Variants in PDE4B observed in about 807,000 individuals in gnomAD.
The protein encoded by PDE4B is phosphodiesterase 4B.
Under a neutral mutation model 82.2 loss-of-function variants are expected in PDE4B, and 20 were observed. The observed-to-expected ratio is 0.24, with a 90% confidence interval of 0.17 to 0.35. The LOEUF is 0.35. Among genes scored for constraint, PDE4B ranks in the 10% least tolerant of loss-of-function variants. The pLI, the probability that PDE4B is intolerant of heterozygous loss-of-function variation, is 1.00. For missense variants in PDE4B, 655 were observed against 907.2 expected (o/e 0.72, Z 3.57); for synonymous variants, 320 against 318.9 (o/e 1.00, Z -0.04).
intron 2 of PDE4B, among the ~76,000 whole-genome samples, chr1:65,914,594 T>A (rs1647137069): frequency 6.8e-6 from 1 of 146,352 alleles, no homozygotes; most frequent in African/African-American, 2.5e-5. Context: ...TTTAGAAAAC[T>A]TTTTTTCTTA....
chr1:65,854,562 A>ATT (rs1646371077), intron 1 of PDE4B, among the ~76,000 whole-genome samples: 2 of 151,938 alleles, frequency 1.3e-5, no homozygotes, highest in East Asian at 1.9e-4. Flanking sequence ...TCATGGCTCC[A>ATT]ATGACTGCTG....
chr1:66,340,064 G>A (rs1017480406), intron 8 of PDE4B, among the ~76,000 whole-genome samples: 1 of 152,200 alleles, frequency 6.6e-6, no homozygotes, highest in African/African-American at 2.4e-5. Flanking sequence ...GGGCAAATTT[G>A]TGCCACAGTC....
intron 7 of PDE4B, among the ~76,000 whole-genome samples, chr1:66,325,776 G>C (rs1357927118): frequency 1.3e-5 from 2 of 152,156 alleles, no homozygotes; most frequent in South Asian, 2.1e-4. Context: ...ATATCATCAG[G>C]AAAGTGACCC....
At chr1:66,046,143 T>A (rs1654700630) in intron 3 of PDE4B, 1 of 151,738 alleles carries the variant, frequency 6.6e-6, no homozygotes, top group Non-Finnish European at 1.5e-5. Flanking sequence ...TTAGATTGGG[T>A]CCATAGCGAT....
chr1:66,007,462 C>G (rs1652214465), intron 3 of PDE4B, among the ~76,000 whole-genome samples: 1 of 151,978 alleles, frequency 6.6e-6, no homozygotes, highest in African/African-American at 2.4e-5. Context: ...CCCCCCCAAC[C>G]AAAACCAAAC....
At chr1:66,099,894 C>T (rs1404656027) in intron 3 of PDE4B, among the ~76,000 whole-genome samples, 3 of 152,106 alleles carry the variant, frequency 2.0e-5, no homozygotes. Context: ...CTGCAAGACA[C>T]CATACTCAGA....
chr1:66,106,180 T>G (rs1570248361), intron 3 of PDE4B, among the ~76,000 whole-genome samples: 1 of 152,232 alleles, frequency 6.6e-6, no homozygotes, highest in African/African-American at 2.4e-5. Context: ...AGGCCTTTTC[T>G]GCATCTATTG....
At chr1:66,354,976 T>G (rs1478810717) in intron 8 of PDE4B, 10 of 1,250,566 alleles carry the variant, frequency 8.0e-6, no homozygotes, top group East Asian at 2.5e-5. Flanking sequence ...GTACAGGACA[T>G]CTGTAATAAT....
intron 7 of PDE4B, among the ~76,000 whole-genome samples, chr1:66,284,880 A>G (rs1421396130): frequency 6.6e-6 from 1 of 152,172 alleles, no homozygotes; most frequent in Admixed American, 6.6e-5. Context: ...TTTGTTCATC[A>G]GGGAAATACA....
At chr1:66,055,715 A>G (rs902001963) in intron 3 of PDE4B, among the ~76,000 whole-genome samples, 16 of 152,202 alleles carry the variant, frequency 1.1e-4, no homozygotes, top group African/African-American at 3.6e-4. Flanking sequence ...AGGTATTTTA[A>G]TTTAAAAGCA....
At chr1:66,290,330 A>G (rs1407878561) in intron 7 of PDE4B, among the ~76,000 whole-genome samples, 3 of 152,188 alleles carry the variant, frequency 2.0e-5, no homozygotes, top group Non-Finnish European at 4.4e-5. Flanking sequence ...CATAGCTTAT[A>G]TTTATTGATG....
At chr1:66,051,699 A>G (rs1438121937) in intron 3 of PDE4B, among the ~76,000 whole-genome samples, 1 of 152,116 alleles carries the variant, frequency 6.6e-6, no homozygotes, top group Non-Finnish European at 1.5e-5. Context: ...GGTTGATATT[A>G]TTTGGTTATT....
chr1:65,894,271 A>G (rs1002963570), intron 1 of PDE4B, among the ~76,000 whole-genome samples: 5 of 152,180 alleles, frequency 3.3e-5, no homozygotes, highest in African/African-American at 1.2e-4. Flanking sequence ...TATACCAGCA[A>G]GTAATTTTCT....
At chr1:66,014,852 G>A (rs1010123692) in intron 3 of PDE4B, among the ~76,000 whole-genome samples, 2 of 152,154 alleles carry the variant, frequency 1.3e-5, no homozygotes, top group Non-Finnish European at 2.9e-5. Context: ...CTAAAGCAAA[G>A]AAGTATCTGG....
intron 10 of PDE4B, 143 bp from the exon 11 acceptor site, chr1:66,363,025 T>G (rs1276331108): frequency 1.7e-6 from 1 of 584,722 alleles, no homozygotes; most frequent in Middle Eastern, 4.7e-4. Context: ...GTCATTTAAC[T>G]TTCAGATTTT....
chr1:65,861,697 A>G (rs1462442768), intron 1 of PDE4B, among the ~76,000 whole-genome samples: 2 of 152,056 alleles, frequency 1.3e-5, no homozygotes, highest in African/African-American at 4.8e-5. Context: ...ATATTTTTCC[A>G]TTTGTTTGTG....
At chr1:66,213,797 T>A (rs1650247049) in intron 3 of PDE4B, among the ~76,000 whole-genome samples, 1 of 152,184 alleles carries the variant, frequency 6.6e-6, no homozygotes, top group Non-Finnish European at 1.5e-5. Flanking sequence ...TGCTCTACTT[T>A]TTCATTCATG....
At chr1:66,164,535 C>CAAAAAAAAAAAAAAAAAAAAAAAAAAAAA (rs10718019) in intron 3 of PDE4B, among the ~76,000 whole-genome samples, 23 of 48,560 alleles carry the variant, frequency 4.7e-4, no homozygotes, top group South Asian at 1.4e-3. Context: ...GACTCCGTCT[C>CAAAAAAAAAAAAAAAAAAAAAAAAAAAAA]AAAAAAAAAA....
intron 4 of PDE4B, among the ~76,000 whole-genome samples, chr1:66,256,247 C>T (rs1243471932): frequency 6.6e-6 from 1 of 152,098 alleles, no homozygotes; most frequent in Non-Finnish European, 1.5e-5. Flanking sequence ...TTTTTGAAAC[C>T]AAACAGTCTA....
Sources: gnomAD v4.1 joint callset for allele counts (sites outside exome capture counted in the v4.1 genomes callset) on GRCh38, gnomAD v4.1.1 for gene constraint, MANE v1.5 for transcripts, NCBI Gene and HGNC (gene_info 2026-07-23, HGNC 2026-07-21) for gene names.